EYS: variants seen among roughly 807,000 people sequenced by gnomAD.
EYS encodes EGF-like photoreceptor maintenance factor.
In EYS, 250 loss-of-function variants were observed where a neutral mutation model predicts 282.1. The observed-to-expected ratio is 0.89, with a 90% CI of 0.80 to 0.98. The LOEUF (loss-of-function observed/expected upper bound fraction) is 0.98. Among genes scored for constraint, EYS ranks in the 50% least tolerant of loss-of-function variants. The pLI is 0.00. For missense variants in EYS, 4,016 were observed against 3,709.0 expected (o/e 1.08, Z -2.15); for synonymous variants, 1,355 against 1,282.9 (o/e 1.06, Z -1.20).
intron 2 of EYS, among the ~76,000 whole-genome samples, chr6:65,566,257 T>C (rs1331267893): frequency 2.0e-5 from 3 of 152,006 alleles, no homozygotes; most frequent in South Asian, 4.2e-4. Flanking sequence ...AGGGAAAATT[T>C]CCCCAAGAGA....
At chr6:65,615,542 A>G (rs1177991006) in intron 2 of EYS, among the ~76,000 whole-genome samples, 3 of 151,880 alleles carry the variant, frequency 2.0e-5, no homozygotes. Flanking sequence ...TTTTTTAAAT[A>G]TTATGTTTTC....
Position 65,481,992 on chromosome 6 carries a change from C to A in EYS, c.862+8602G>T, listed in dbSNP as rs146254830. On this transcript the variant is annotated intron_variant, in intron 5 of 42. Coordinates refer to ENST00000503581, the MANE Select transcript of EYS (RefSeq NM_001142800.2). ...GGAAGATTCAGAGGAAGACTCAGTT[C>A]TTTATCTGGATGGAATACGGTAGCA... 6.0e-3 allele frequency among the ~76,000 whole-genome samples: 911 copies of A among 152,248 alleles called. 17 individuals are homozygous for A. Among genetic ancestry groups the A allele is most frequent in the South Asian group, 0.039 (186 of 4,830 alleles).
chr6:64,853,926 A>C (rs1765965857), intron 19 of EYS, among the ~76,000 whole-genome samples: 1 of 152,132 alleles, frequency 6.6e-6, no homozygotes, highest in African/African-American at 2.4e-5. Context: ...AACCCCATCA[A>C]AAAGTGGGTG....
chr6:64,748,726 A>G (rs949823656), intron 22 of EYS, among the ~76,000 whole-genome samples: 2 of 152,234 alleles, frequency 1.3e-5, no homozygotes, highest in Admixed American at 6.5e-5. Context: ...CTAAAAGAGC[A>G]AAAGAATGAT....
chr6:64,528,806 C>A (rs1054967003), intron 26 of EYS, among the ~76,000 whole-genome samples: 3 of 151,892 alleles, frequency 2.0e-5, no homozygotes, highest in Admixed American at 1.3e-4. Context: ...CTCTACAGAG[C>A]CTTCTAGAAT....
chr6:64,376,893 A>G (rs1334360654), intron 29 of EYS, among the ~76,000 whole-genome samples: 1 of 152,178 alleles, frequency 6.6e-6, no homozygotes, highest in Non-Finnish European at 1.5e-5. Context: ...ATCAGCCCAG[A>G]ACAGAAACCT....
At chr6:64,990,889 C>T (rs947354354) in intron 14 of EYS, among the ~76,000 whole-genome samples, 2 of 151,458 alleles carry the variant, frequency 1.3e-5, no homozygotes, top group Non-Finnish European at 3.0e-5. Flanking sequence ...GTTCTGTTTG[C>T]TTTTATTTTG....
In EYS at chr6:63,984,477, TGAA is replaced by T. The variant is rs1182896761; in HGVS notation, c.6958_6960del (p.Phe2320del). ...TTTCCATGTCGTGCTTCATCGATGA[TGAA>T]GAATTCTTTGTTGTTTACTTGAAGG... On this transcript the variant is annotated inframe_deletion, in exon 35 of 43. Coordinates refer to ENST00000503581, the MANE Select transcript of EYS (RefSeq NM_001142800.2). 15 of 1,549,576 alleles carry T rather than the reference TGAA, an allele frequency of 9.7e-6. No homozygotes were observed. The highest frequency in any genetic ancestry group is 1.3e-5 in the Non-Finnish European group (15 of 1,145,544).
At chr6:64,483,320 A>T (rs761212187) in intron 26 of EYS, among the ~76,000 whole-genome samples, 3 of 151,662 alleles carry the variant, frequency 2.0e-5, no homozygotes, top group Admixed American at 6.6e-5. Flanking sequence ...AAACACTTAA[A>T]CCCTATGGTT....
intron 37 of EYS, chr6:63,797,771 T>C (rs986314070): frequency 2.6e-5 from 4 of 152,204 alleles, no homozygotes; most frequent in African/African-American, 7.2e-5. Context: ...TGGCTCTTTT[T>C]GTGGCCAAAT....
At chr6:64,119,504 A>G (rs187774611) in intron 31 of EYS, among the ~76,000 whole-genome samples, 11 of 152,346 alleles carry the variant, frequency 7.2e-5, no homozygotes, top group Admixed American at 5.9e-4. Flanking sequence ...ATAAGTTCAC[A>G]TTTGACTTCA....
In EYS at chr6:63,999,383, T is replaced by G. The variant is rs542016857; in HGVS notation, c.6726-200A>C. Reference sequence around the variant, plus strand: ...TCTTTTCTAACACTGCGTTTTATTTTCCTTCTCTCCTACTGACTTTAAAAT... The same window carrying G: ...TCTTTTCTAACACTGCGTTTTATTTGCCTTCTCTCCTACTGACTTTAAAAT... On this transcript the variant is annotated intron_variant, in intron 33 of 42. Transcript: ENST00000503581. 1.1e-4 allele frequency among the ~76,000 whole-genome samples: 16 copies of G among 150,846 alleles called. 1 individual carries two copies. Among genetic ancestry groups the G allele is most frequent in the Admixed American group, 5.9e-4 (9 of 15,170 alleles).
chr6:64,154,199 G>A (rs555807486), intron 31 of EYS, among the ~76,000 whole-genome samples: 32 of 152,144 alleles, frequency 2.1e-4, no homozygotes, highest in Non-Finnish European at 4.6e-4. Context: ...CCAGCACTTT[G>A]GGATGCCAAG....
chr6:64,815,086 G>T (rs544105249), intron 21 of EYS: 4 of 216,244 alleles, frequency 1.8e-5, no homozygotes, highest in Admixed American at 1.2e-4. Context: ...AATTAGAAAT[G>T]AATTGTGCAC....
intron 19 of EYS, among the ~76,000 whole-genome samples, 196 bp downstream of exon 19, chr6:64,886,501 A>G (rs941783846): frequency 3.3e-5 from 5 of 152,046 alleles, no homozygotes; most frequent in Non-Finnish European, 5.9e-5. Flanking sequence ...ATCTAATCTT[A>G]GGATTTAATA....
chr6:65,620,628 C>A (rs537359640), intron 2 of EYS, among the ~76,000 whole-genome samples: 2 of 150,356 alleles, frequency 1.3e-5, no homozygotes, highest in African/African-American at 2.5e-5. Flanking sequence ...TTTTCTAGTT[C>A]TTTTAATTGT....
intron 5 of EYS, among the ~76,000 whole-genome samples, chr6:65,480,285 A>G (rs766797834): frequency 3.3e-5 from 5 of 152,176 alleles, no homozygotes; most frequent in Non-Finnish European, 7.4e-5. Context: ...TTTTCTACAT[A>G]TCACTAATAA....
chr6:64,548,275 C>T (rs922359258), intron 26 of EYS, among the ~76,000 whole-genome samples: 6 of 152,304 alleles, frequency 3.9e-5, no homozygotes, highest in Non-Finnish European at 5.9e-5. Flanking sequence ...TGTGGCGATT[C>T]CTCAGGGATC....
chr6:64,328,754 G>T (rs548515801), intron 29 of EYS, among the ~76,000 whole-genome samples: 4 of 152,184 alleles, frequency 2.6e-5, no homozygotes, highest in African/African-American at 9.7e-5. Context: ...AGGCAGACTT[G>T]CTGGTGGCAG....
Sources: gnomAD v4.1 joint callset for allele counts (sites outside exome capture counted in the v4.1 genomes callset) on GRCh38, gnomAD v4.1.1 for gene constraint, MANE v1.5 for transcripts, NCBI Gene and HGNC (gene_info 2026-07-23, HGNC 2026-07-21) for gene names.